The following CDK14 variants were observed in gnomAD, a reference collection of about 807,000 sequenced individuals.
The protein encoded by CDK14 is cyclin-dependent kinase 14.
Under a neutral mutation model 60.7 loss-of-function variants are expected in CDK14, and 34 were observed. The observed-to-expected ratio is 0.56, with a 90% CI of 0.43 to 0.75. The LOEUF (loss-of-function observed/expected upper bound fraction) is 0.75. CDK14 is among the 30% of genes least tolerant of loss of function. CDK14 has a pLI of 0.00. For missense variants in CDK14, 482 were observed against 564.1 expected, an observed-to-expected ratio of 0.85 and a Z score of 1.47; for synonymous variants, 197 against 203.7, an observed-to-expected ratio of 0.97 and a Z score of 0.28.
chr7:91,118,217 A>G lies in CDK14; in HGVS notation c.*28+9A>G, dbSNP rs749435859. Reference sequence around the variant, plus strand: ...TTCTCAAGAGCACACAGGTAAGAGGACCTGCTTTACCTGGAAAGTAATATT... The same window carrying G: ...TTCTCAAGAGCACACAGGTAAGAGGGCCTGCTTTACCTGGAAAGTAATATT... On this transcript the variant is annotated intron_variant, in intron 14 of 14. Transcript: ENST00000380050. 5 of 1,137,998 alleles carry G rather than the reference A, an allele frequency of 4.4e-6. No homozygotes were observed. In the African/African-American group the frequency reaches 4.6e-5, roughly 11 times the overall value. The allele number at this position is 1,137,998 out of a possible 1,614,324, so 70.5% of individuals were successfully genotyped here.
chr7:91,163,444 A>T (rs1801231728), intron 14 of CDK14, among the ~76,000 whole-genome samples: 1 of 152,220 alleles, frequency 6.6e-6, no homozygotes, highest in Admixed American at 6.5e-5. Flanking sequence ...AGGGGAAAAT[A>T]TCACTGCAGT....
chr7:90,613,999 CCAAA>C (rs1195892107), intron 2 of CDK14, among the ~76,000 whole-genome samples: 8 of 135,416 alleles, frequency 5.9e-5, no homozygotes, highest in African/African-American at 2.2e-4. Flanking sequence ...TTTTATAGTC[CCAAA>C]CACTTTTTTT....
intron 3 of CDK14, among the ~76,000 whole-genome samples, chr7:90,745,568 A>G (rs1218561887): frequency 2.6e-5 from 4 of 152,156 alleles, no homozygotes; most frequent in African/African-American, 7.2e-5. Flanking sequence ...GACTTGTGCC[A>G]CCACGCCCAG....
At chr7:91,067,322 A>G (rs1418665790) in intron 11 of CDK14, among the ~76,000 whole-genome samples, 1 of 152,242 alleles carries the variant, frequency 6.6e-6, no homozygotes, top group African/African-American at 2.4e-5. Flanking sequence ...AAACATTAGA[A>G]ATGCCTCCAT....
chr7:90,865,840 T>A (rs894800471), intron 6 of CDK14, among the ~76,000 whole-genome samples: 3 of 152,156 alleles, frequency 2.0e-5, no homozygotes, highest in African/African-American at 7.2e-5. Context: ...AGGAAAAACC[T>A]AAAGGTTAGG....
intron 14 of CDK14, among the ~76,000 whole-genome samples, chr7:91,133,131 G>A (rs1284404809): frequency 2.0e-5 from 3 of 152,038 alleles, no homozygotes; most frequent in Admixed American, 2.0e-4. Flanking sequence ...AATTTTCAAA[G>A]TTAAAAGAAA....
chr7:90,874,094 T>G (rs909650581), intron 6 of CDK14, among the ~76,000 whole-genome samples: 3 of 152,168 alleles, frequency 2.0e-5, no homozygotes, highest in Admixed American at 6.5e-5. Flanking sequence ...ATCTGCCTGG[T>G]GTATCTTTCC....
At chr7:90,616,148 A>G (rs930585832) in intron 2 of CDK14, among the ~76,000 whole-genome samples, 14 of 152,198 alleles carry the variant, frequency 9.2e-5, no homozygotes, top group Non-Finnish European at 1.5e-4. Flanking sequence ...TATCAAATTC[A>G]TAATCCAGAA....
At chr7:90,759,233 C>A (rs1259785497) in intron 4 of CDK14, among the ~76,000 whole-genome samples, 1 of 152,124 alleles carries the variant, frequency 6.6e-6, no homozygotes, top group Non-Finnish European at 1.5e-5. Context: ...TCCCTCATCA[C>A]TATGTGTCTT....
intron 3 of CDK14, among the ~76,000 whole-genome samples, chr7:90,742,317 A>T (rs1293270284): frequency 6.6e-6 from 1 of 151,860 alleles, no homozygotes; most frequent in Non-Finnish European, 1.5e-5. Flanking sequence ...TGGGTAATTA[A>T]TTTTTTCTAG....
In CDK14 at chr7:91,075,484, A is replaced by G. The variant is rs149243188; in HGVS notation, c.1106-3948A>G. Among the ~76,000 whole-genome samples the G allele has an allele frequency of 4.8e-4, 73 of 152,364 alleles. No individual in the cohort carries two copies. In the East Asian group the frequency reaches 0.011, roughly 23 times the overall value. On this transcript the variant is annotated intron_variant, in intron 11 of 14. Coordinates refer to ENST00000380050, the MANE Select transcript of CDK14 (RefSeq NM_001287135.2). ...GAAGTACCTCCAAATAATAAGAGCTATTTATGACAAACCCATAGCCAATAT... is the reference window on the plus strand; with the variant it reads ...GAAGTACCTCCAAATAATAAGAGCTGTTTATGACAAACCCATAGCCAATAT...
rs201466419 is a variant in CDK14, at chr7:91,206,993, A to AT, written c.*29-163dup. ...AACATTTGTTTATCATATTAGAAGG[A>AT]TTTTTTTTTGGTTAAGGAGGCTATT... On this transcript the variant is annotated intron_variant, in intron 14 of 14. Transcript: ENST00000380050. 5.8e-3 allele frequency among the ~76,000 whole-genome samples: 881 copies of AT among 151,382 alleles called. 11 individuals carry two copies. The highest frequency in any genetic ancestry group is 0.017 in the African/African-American group (722 of 41,270).
chr7:91,063,489 C>T (rs2116137625), intron 11 of CDK14, among the ~76,000 whole-genome samples: 1 of 152,342 alleles, frequency 6.6e-6, no homozygotes. Context: ...AACAATAATA[C>T]TCCCAATGGA....
intron 5 of CDK14, among the ~76,000 whole-genome samples, chr7:90,820,471 T>C (rs1361463410): frequency 1.3e-5 from 2 of 152,128 alleles, no homozygotes; most frequent in Non-Finnish European, 2.9e-5. Flanking sequence ...ATGAGAGCTT[T>C]TGGTTTAAAA....
chr7:90,811,940 T>C (rs184613295), intron 5 of CDK14, among the ~76,000 whole-genome samples: 17 of 152,108 alleles, frequency 1.1e-4, no homozygotes, highest in Non-Finnish European at 2.4e-4. Context: ...CCAGTTAGAA[T>C]TGCGATCATT....
chr7:90,741,017 AT>A (rs980364268), intron 3 of CDK14, among the ~76,000 whole-genome samples: 6 of 152,072 alleles, frequency 3.9e-5, no homozygotes, highest in African/African-American at 1.4e-4. Context: ...CAAGAATTCT[AT>A]TTTTGGTCTA....
At chr7:90,997,215 G>A (rs1795711931) in intron 10 of CDK14, among the ~76,000 whole-genome samples, 1 of 152,132 alleles carries the variant, frequency 6.6e-6, no homozygotes, top group Non-Finnish European at 1.5e-5. Context: ...TCTCCTAATA[G>A]AGTTTAGGAT....
intron 6 of CDK14, among the ~76,000 whole-genome samples, chr7:90,883,933 T>G (rs1205769198): frequency 2.0e-5 from 3 of 152,188 alleles, no homozygotes; most frequent in Admixed American, 1.3e-4. Flanking sequence ...TGACAGAACA[T>G]ATCTCAAAAT....
intron 10 of CDK14, among the ~76,000 whole-genome samples, chr7:91,002,935 G>A (rs113241308): frequency 6.6e-6 from 1 of 152,208 alleles, no homozygotes; most frequent in Non-Finnish European, 1.5e-5. Context: ...AGCCGGGCAT[G>A]GTGGCGGGTG....
Sources: allele counts gnomAD v4.1 joint callset (sites outside exome capture counted in the v4.1 genomes callset), GRCh38; gene constraint gnomAD v4.1.1; transcripts MANE v1.5; gene names NCBI Gene and HGNC (gene_info 2026-07-23, HGNC 2026-07-21).